The following PDIA6 variants were observed in gnomAD, a reference collection of about 807,000 sequenced individuals.
The protein encoded by PDIA6 is protein disulfide-isomerase A6.
Under a neutral mutation model 58.4 loss-of-function variants are expected in PDIA6, and 29 were observed. The observed-to-expected ratio is 0.50, with a 90% CI of 0.37 to 0.68. The LOEUF is 0.68. Ranked by LOEUF, PDIA6 falls within the 30% of genes least tolerant of loss-of-function variation. PDIA6 has a pLI of 0.00. For synonymous variants in PDIA6, 192 were observed against 202.6 expected (o/e 0.95, Z 0.44); for missense variants, 480 against 551.0 (o/e 0.87, Z 1.29).
chr2:10,788,226 G>GTGTC (rs994678191), intron 10 of PDIA6, among the ~76,000 whole-genome samples: 1 of 152,154 alleles, frequency 6.6e-6, no homozygotes, highest in African/African-American at 2.4e-5. Flanking sequence ...TACTCCTTAT[G>GTGTC]TGTCTGCCTG....
At chr2:10,831,275 G>A (rs1444570448) in intron 1 of PDIA6, among the ~76,000 whole-genome samples, 2 of 152,156 alleles carry the variant, frequency 1.3e-5, no homozygotes, top group Non-Finnish European at 2.9e-5. Context: ...CTCCTCCCGG[G>A]CCCGTGCACA....
At chr2:10,789,910 G>A (rs148210756) in intron 7 of PDIA6, 21 bp from the exon 8 acceptor site, 10 of 1,600,212 alleles carry the variant, frequency 6.2e-6, no homozygotes, top group Non-Finnish European at 8.5e-6. Flanking sequence ...AAGGTCAGAG[G>A]ATAAAATCCA....
Position 10,791,908 on chromosome 2 carries a change from TG to T in PDIA6, c.470del (p.Ser157Ter). Reference protein sequence around the residue: ...SSGKQGRSDSSSKKDVIELTD... With the variant: ...SSGKQGRSDSXSKKDVIELTD... ...TCAGCTCAATCACATCCTTCTTACT[TG>T]AACTATCACTTCTGCCCTGTCATTT... On this transcript the variant is annotated frameshift_variant, in exon 6 of 13. Transcript: ENST00000272227. LOFTEE classifies it high-confidence loss of function. 6.2e-7 allele frequency: 1 copy of T among 1,614,050 alleles called. No individual in the cohort carries two copies. The highest frequency in any genetic ancestry group is 1.7e-5 in the Admixed American group (1 of 60,016).
chr2:10,811,089 T>C (rs1666983013), intron 1 of PDIA6, among the ~76,000 whole-genome samples: 1 of 152,212 alleles, frequency 6.6e-6, no homozygotes, highest in African/African-American at 2.4e-5. Flanking sequence ...CCAGAAAGGC[T>C]GCCATTTATT....
chr2:10,800,641 C>T (rs1205865526), intron 2 of PDIA6, among the ~76,000 whole-genome samples: 1 of 150,086 alleles, frequency 6.7e-6, no homozygotes, highest in Non-Finnish European at 1.5e-5. Flanking sequence ...CTCACTGTTG[C>T]CCAGGCTGGA....
chr2:10,804,604 G>A (rs1666656359), intron 1 of PDIA6, among the ~76,000 whole-genome samples: 2 of 135,554 alleles, frequency 1.5e-5, no homozygotes, highest in African/African-American at 5.1e-5. Context: ...GTCAGGTAGT[G>A]TGATGCCTCC....
In PDIA6 at chr2:10,790,793, C is replaced by T. The variant is rs768388716; in HGVS notation, c.625G>A (p.Glu209Lys). The T allele has an allele frequency of 4.3e-6, 7 of 1,614,050 alleles. No individual in the cohort carries two copies. Among genetic ancestry groups the T allele is most frequent in the Non-Finnish European group, 5.9e-6 (7 of 1,180,000 alleles). The change falls in exon 7 of 13, where the codon GAG (glutamate) becomes AAG (lysine). Residue 209 changes from glutamate (E) to lysine (K), a missense_variant. Glu to Lys is a moderately conservative substitution (Grantham distance 56). Coordinates refer to ENST00000272227, the MANE Select transcript of PDIA6 (RefSeq NM_005742.4). ...EWAAAASEVK[E>K]QTKGKVKLAA... is the part of the protein sequence containing the mutation. ...AGTTTCACTTTTCCTTTCGTCTGCTCTTTTACTTCTGAAGCTGCGGCAGCC... is the reference window on the plus strand; with the variant it reads ...AGTTTCACTTTTCCTTTCGTCTGCTTTTTTACTTCTGAAGCTGCGGCAGCC...
rs1348848519 is a variant in PDIA6 at position 10,783,596 on chromosome 2, C to T, written c.*662G>A. 1 of 200,774 alleles carries T rather than the reference C, an allele frequency of 5.0e-6. No homozygotes were observed. The highest frequency in any genetic ancestry group is 1.0e-5 in the Non-Finnish European group (1 of 98,922). 12.4% of individuals were successfully genotyped at this position (200,774 alleles called of 1,614,324 possible). A position where few individuals can be genotyped will look rare whatever the true frequency, so the allele number is the denominator to read the frequency against. On this transcript the variant is annotated 3_prime_UTR_variant, in exon 13 of 13. Coordinates refer to ENST00000272227, the MANE Select transcript of PDIA6 (RefSeq NM_005742.4). ...ACATAGAAAGCCTTGAACTGTATAA[C>T]CAGCTAGATTCCTTAATAATTAGTC...
chr2:10,808,989 A>T lies in PDIA6; in HGVS notation c.19+3689T>A, dbSNP rs547716781. On this transcript the variant is annotated intron_variant, in intron 1 of 12. Transcript: ENST00000272227. ...CATGCCCGGCTAATTTTTGTATTTT[A>T]GTAGAGATGGGGTTTCACCATGTTG... Among the ~76,000 whole-genome samples the T allele has an allele frequency of 3.8e-3, 584 of 152,166 alleles. 3 individuals carry two copies. Among genetic ancestry groups the T allele is most frequent in the Non-Finnish European group, 4.8e-3 (324 of 67,996 alleles).
At chr2:10,785,324 A>G (rs777326439) in intron 11 of PDIA6, among the ~76,000 whole-genome samples, 4 of 152,260 alleles carry the variant, frequency 2.6e-5, no homozygotes, top group Admixed American at 1.3e-4. Context: ...AATTAAATAC[A>G]TAAATAATTA....
chr2:10,788,073 A>AAAAAC (rs1353971802), intron 10 of PDIA6, among the ~76,000 whole-genome samples: 2 of 151,888 alleles, frequency 1.3e-5, no homozygotes, highest in Non-Finnish European at 2.9e-5. Flanking sequence ...CTCAAAAAAA[A>AAAAAC]AAAAAAAGGA....
chr2:10,816,874 G>A (rs1316627339), upstream of PDIA6, among the ~76,000 whole-genome samples: 2 of 152,074 alleles, frequency 1.3e-5, no homozygotes, highest in African/African-American at 4.8e-5. Flanking sequence ...CATGTGGCCT[G>A]CCCAAGACCC....
Position 10,783,538 on chromosome 2 carries a change from ATG to A in PDIA6, c.*718_*719del. On this transcript the variant is annotated 3_prime_UTR_variant, in exon 13 of 13. Coordinates refer to ENST00000272227, the MANE Select transcript of PDIA6 (RefSeq NM_005742.4). The stretch of plus-strand genomic sequence containing the variant: ...CATTGGTAACCTGCTGCTGTATTTC[ATG>A]TCTTAACGGCTATTTTGAGGTTCAT... The A allele has an allele frequency of 3.1e-6, 1 of 326,066 alleles. No individual in the cohort carries two copies. Among genetic ancestry groups the A allele is most frequent in the East Asian group, 7.5e-5 (1 of 13,336 alleles). 20.2% of individuals were successfully genotyped at this position (326,066 alleles called of 1,614,324 possible). A position where few individuals can be genotyped will look rare whatever the true frequency, so the allele number is the denominator to read the frequency against.
At chr2:10,831,163 T>G (rs1053046838) in intron 1 of PDIA6, among the ~76,000 whole-genome samples, 2 of 152,202 alleles carry the variant, frequency 1.3e-5, no homozygotes, top group African/African-American at 4.8e-5. Flanking sequence ...GAGCCGCAGA[T>G]GAGTCTACTG....
chr2:10,786,325 G>T (rs76775802), intron 11 of PDIA6, among the ~76,000 whole-genome samples: 1 of 151,236 alleles, frequency 6.6e-6, no homozygotes, highest in Non-Finnish European at 1.5e-5. Flanking sequence ...GGGTGGGGGG[G>T]AAAGAAAACA....
intron 6 of PDIA6, 108 bp downstream of exon 6, chr2:10,791,687 A>G (rs1666040372): frequency 4.0e-6 from 4 of 993,902 alleles, no homozygotes; most frequent in Non-Finnish European, 4.4e-6. Flanking sequence ...GTTTTGCTGG[A>G]AGAGATCTTA....
At chr2:10,817,447 A>C (rs1056670931), upstream of PDIA6, among the ~76,000 whole-genome samples, 7 of 152,030 alleles carry the variant, frequency 4.6e-5, no homozygotes. Flanking sequence ...GTTGAGAGTG[A>C]CTCTTGTTTT....
Position 10,789,771 on chromosome 2 carries a change from G to T in PDIA6, c.818C>A (p.Ala273Asp), listed in dbSNP as rs1665946955. The change falls in exon 8 of 13, where the codon GCC becomes GAC. Residue 273 changes from alanine to aspartate, a missense_variant. By Grantham distance (126) the Ala-to-Asp change is moderately radical. Transcript: ENST00000272227. ...TACCTCAAGCAGCTCAGGAGGTGGG[G>T]CGTTATCAGAAAACAAATCAAGGGC... ...SRALDLFSDN[A>D]PPPELLEIIN... is the part of the protein sequence containing the mutation. 6.2e-7 allele frequency: 1 copy of T among 1,613,716 alleles called. No individual in the cohort carries two copies. Among genetic ancestry groups the T allele is most frequent in the African/African-American group, 1.3e-5 (1 of 74,850 alleles).
In PDIA6 at chr2:10,812,691, A is replaced by G; in HGVS notation, c.6T>C (p.Ala2=). 6.5e-7 allele frequency: 1 copy of G among 1,531,530 alleles called. No homozygotes were observed. Among genetic ancestry groups the G allele is most frequent in the Non-Finnish European group, 8.8e-7 (1 of 1,141,972 alleles). 94.9% of individuals were successfully genotyped at this position (1,531,530 alleles called of 1,614,324 possible). ...GCCCGCACCTACCGAGCACCAGGAG[A>G]GCCATGCCGAGCGCCGGGCTACGTG... M[A]LLVLGLVSCT... is the part of the protein sequence containing the mutation. The change falls in exon 1 of 13, where the codon GCT becomes GCC. Residue 2 remains alanine, a synonymous_variant. Transcript: ENST00000272227.
Sources: gnomAD v4.1 joint callset for allele counts (sites outside exome capture counted in the v4.1 genomes callset) on GRCh38, gnomAD v4.1.1 for gene constraint, MANE v1.5 for transcripts, NCBI Gene and HGNC (gene_info 2026-07-23, HGNC 2026-07-21) for gene names.